The following RNF128 variants were observed in gnomAD, a reference collection of about 807,000 sequenced individuals.
RNF128 encodes ring finger protein 128.
RNF128 carries 13 observed loss-of-function variants against 26.2 expected under a neutral mutation model. That is an observed-to-expected ratio of 0.50 (90% CI 0.32 to 0.79). The LOEUF is 0.79. Ranked by LOEUF, RNF128 falls within the 30% of genes least tolerant of loss-of-function variation. The pLI is 0.03. For synonymous variants in RNF128, 149 were observed against 142.5 expected (o/e 1.05, Z -0.32); for missense variants, 315 against 349.7 (o/e 0.90, Z 0.79).
intron 1 of RNF128, among the ~76,000 whole-genome samples, chrX:106,718,614 T>A (rs972442833): frequency 2.7e-5 from 3 of 109,994 alleles, no homozygotes; most frequent in Admixed American, 1.9e-4. Context: ...GCATCTGGGC[T>A]TTTTTTTCCT....
chrX:106,703,216 G>A (rs1191091083), intron 1 of RNF128, among the ~76,000 whole-genome samples: 3 of 111,612 alleles, frequency 2.7e-5, no homozygotes, highest in African/African-American at 6.5e-5. Context: ...GACTGTCTCA[G>A]CATCATTTCT....
intron 6 of RNF128, among the ~76,000 whole-genome samples, chrX:106,795,249 A>G: frequency 8.9e-6 from 1 of 111,770 alleles, no homozygotes; most frequent in East Asian, 2.8e-4. Context: ...CAGGTGATTG[A>G]AATGTATAGC....
intron 1 of RNF128, among the ~76,000 whole-genome samples, chrX:106,696,524 T>C (rs893514128): frequency 1.8e-5 from 2 of 111,664 alleles, no homozygotes; most frequent in Non-Finnish European, 3.8e-5. Flanking sequence ...GTGTTTTGTT[T>C]TGTTTTGACA....
At position 106,795,688 on chromosome X, in the gene RNF128, C is replaced by T; in HGVS notation, c.1262C>T (p.Thr421Ile). The change falls in exon 7 of 7, where the codon ACT (threonine) becomes ATT (isoleucine). Residue 421 changes from threonine (T) to isoleucine (I), a missense_variant. Thr to Ile is a moderately conservative substitution (Grantham distance 89). Transcript: ENST00000255499. ...FEEDETPNQE[T>I]AVREIKS ...GAAGACGAAACTCCTAATCAAGAGACTGCTGTTCGAGAAATTAAATCTTAA... is the reference window on the plus strand; with the variant it reads ...GAAGACGAAACTCCTAATCAAGAGATTGCTGTTCGAGAAATTAAATCTTAA... 8.4e-7 allele frequency: 1 copy of T among 1,197,120 alleles called. No homozygotes were observed. The highest frequency in any genetic ancestry group is 1.1e-6 in the Non-Finnish European group (1 of 888,841).
chrX:106,765,040 A>G (rs1045906098), intron 1 of RNF128, among the ~76,000 whole-genome samples: 61 of 111,862 alleles, frequency 5.5e-4, no homozygotes, highest in African/African-American at 1.8e-3. Context: ...AATATAACAG[A>G]GGGTCTCTAC....
rs753642473 is a variant in RNF128 at position 106,726,749 on chromosome X, C to T, written c.-165C>T. 9.4e-7 allele frequency: 1 copy of T among 1,058,573 alleles called. No individual in the cohort carries two copies. Among genetic ancestry groups the T allele is most frequent in the East Asian group, 3.7e-5 (1 of 27,106 alleles). The allele number at this position is 1,058,573 out of a possible 1,213,427, so 87.2% of individuals were successfully genotyped here. A position where few individuals can be genotyped will look rare whatever the true frequency, so the allele number is the denominator to read the frequency against. On this transcript the variant is annotated 5_prime_UTR_variant, in exon 1 of 7. Transcript: ENST00000255499. ...TCCGAGGAGCTGCATCTGCGGCAAC[C>T]TGTGTGCTGACGCTACGTGCCTCCT...
upstream of RNF128, among the ~76,000 whole-genome samples, chrX:106,725,232 T>C (rs962724957): frequency 1.8e-5 from 2 of 111,813 alleles, no homozygotes; most frequent in Non-Finnish European, 3.8e-5. Context: ...ATGCTATTGG[T>C]CTCATATACC....
At chrX:106,717,801 T>C (rs1168886441) in intron 1 of RNF128, among the ~76,000 whole-genome samples, 1 of 112,372 alleles carries the variant, frequency 8.9e-6, no homozygotes, top group East Asian at 2.8e-4. Flanking sequence ...GTGGGATTCG[T>C]CTAGCACATT....
chrX:106,729,252 G>A (rs1929461443), intron 1 of RNF128, among the ~76,000 whole-genome samples: 1 of 111,165 alleles, frequency 9.0e-6, no homozygotes, highest in East Asian at 2.8e-4. Flanking sequence ...GGTGTACTAA[G>A]AAAAACACAG....
At chrX:106,750,672 C>A (rs113496220) in intron 1 of RNF128, among the ~76,000 whole-genome samples, 1 of 110,993 alleles carries the variant, frequency 9.0e-6, no homozygotes, top group African/African-American at 3.3e-5. Flanking sequence ...TAATTTTACT[C>A]TTTCTGTAGA....
intron 1 of RNF128, among the ~76,000 whole-genome samples, chrX:106,736,851 A>G (rs1929607730): frequency 8.9e-6 from 1 of 112,245 alleles, no homozygotes; most frequent in African/African-American, 3.2e-5. Flanking sequence ...CCCAGTGTTT[A>G]GCAACATTAC....
At position 106,785,182 on chromosome X, in the gene RNF128, C is replaced by T. The variant is rs57800754; in HGVS notation, c.804+46C>T. 0.012 allele frequency: 12,067 copies of T among 969,655 alleles called. 948 individuals carry two copies. In the African/African-American group the frequency reaches 0.21, roughly 17 times the overall value. 79.9% of individuals were successfully genotyped at this position (969,655 alleles called of 1,213,427 possible). A position where few individuals can be genotyped will look rare whatever the true frequency, so the allele number is the denominator to read the frequency against. ...TGCTATTTATTTTAAAGCAGTGCTA[C>T]CAAGCCATTGTTCAGGCTAAATGTT... On this transcript the variant is annotated intron_variant, in intron 3 of 6. Transcript: ENST00000255499.
chrX:106,708,838 C>T lies in RNF128; in HGVS notation c.406+14430C>T, dbSNP rs1054380827. Among the ~76,000 whole-genome samples the T allele has an allele frequency of 2.7e-5, 3 of 111,696 alleles. No homozygotes were observed. In the South Asian group the frequency reaches 1.1e-3, roughly 41 times the overall value. ...GATATATTTAAAAATACATAAAATG[C>T]CTGTTTTAAGGCTATATAGTAATGT... is the stretch of plus-strand genomic sequence containing the variant. On this transcript the variant is annotated intron_variant, in intron 1 of 6. Transcript: ENST00000324342.
chrX:106,733,513 A>G (rs759856939), intron 1 of RNF128, among the ~76,000 whole-genome samples: 3 of 111,677 alleles, frequency 2.7e-5, no homozygotes, highest in South Asian at 3.7e-4. Flanking sequence ...CCATAATTCT[A>G]CAACACAGAT....
chrX:106,781,830 G>A (rs1012706026), intron 2 of RNF128, among the ~76,000 whole-genome samples: 16 of 111,076 alleles, frequency 1.4e-4, no homozygotes, highest in Non-Finnish European at 5.7e-5. Flanking sequence ...AGTGTCTTCT[G>A]GCATTTTGGA....
intron 2 of RNF128, among the ~76,000 whole-genome samples, chrX:106,782,306 A>AT (rs1290359884): frequency 2.7e-5 from 3 of 111,862 alleles, no homozygotes; most frequent in African/African-American, 6.5e-5. Flanking sequence ...TGCTGGCTCT[A>AT]TTTTTTTATC....
At chrX:106,751,712 C>T (rs1438004540) in intron 1 of RNF128, among the ~76,000 whole-genome samples, 1 of 110,440 alleles carries the variant, frequency 9.1e-6, no homozygotes, top group Non-Finnish European at 1.9e-5. Context: ...CAAGCAGAGT[C>T]CTGAAGCCCA....
intron 1 of RNF128, among the ~76,000 whole-genome samples, chrX:106,734,148 G>A (rs1311444482): frequency 9.0e-6 from 1 of 111,724 alleles, no homozygotes; most frequent in East Asian, 2.8e-4. Flanking sequence ...TGAAGGTTGT[G>A]GTCATTGACT....
chrX:106,754,873 A>G (rs986699932), intron 1 of RNF128, among the ~76,000 whole-genome samples: 1 of 111,703 alleles, frequency 9.0e-6, no homozygotes, highest in Non-Finnish European at 1.9e-5. Context: ...TAATAGAACT[A>G]GAAAAGCAAG....
Sources: allele counts gnomAD v4.1 joint callset (sites outside exome capture counted in the v4.1 genomes callset), GRCh38; gene constraint gnomAD v4.1.1; transcripts MANE v1.5; gene names NCBI Gene and HGNC (gene_info 2026-07-23, HGNC 2026-07-21).